Variants in ANK3 observed in about 807,000 individuals in gnomAD.
The protein encoded by ANK3 is ankyrin 3.
Under a neutral mutation model 370.9 loss-of-function variants are expected in ANK3, and 57 were observed. The observed-to-expected ratio is 0.15, with a 90% CI of 0.12 to 0.19. The LOEUF (loss-of-function observed/expected upper bound fraction) is 0.19, where lower values mean the gene tolerates loss of function less well. Ranked by LOEUF, ANK3 falls within the 10% of genes least tolerant of loss-of-function variation. ANK3 has a pLI of 1.00. For missense variants in ANK3, 4,439 were observed against 5,302.1 expected, an observed-to-expected ratio of 0.84 and a Z score of 5.06; for synonymous variants, 1,929 against 1,946.3, an observed-to-expected ratio of 0.99 and a Z score of 0.23.
At chr10:60,548,211 T>C (rs2077012973) in intron 2 of ANK3, among the ~76,000 whole-genome samples, 2 of 15,180 alleles carry the variant, frequency 1.3e-4, no homozygotes, top group Non-Finnish European at 3.6e-4. Context: ...ATTTCCTTTT[T>C]TTTTTTTTTT....
intron 1 of ANK3, among the ~76,000 whole-genome samples, chr10:60,298,297 T>C (rs17233871): frequency 0.1 from 15,921 of 152,190 alleles, 1,050 homozygotes; most frequent in Non-Finnish European, 0.15. Context: ...TAAACAATAC[T>C]GTAAAAACCA....
chr10:60,495,480 T>C (rs2075630516), intron 2 of ANK3, among the ~76,000 whole-genome samples: 1 of 152,172 alleles, frequency 6.6e-6, no homozygotes, highest in African/African-American at 2.4e-5. Flanking sequence ...GACCTCTGGC[T>C]TGAGTTCTCA....
intron 1 of ANK3, among the ~76,000 whole-genome samples, chr10:60,352,275 G>T (rs1261604553): frequency 6.6e-6 from 1 of 152,180 alleles, no homozygotes; most frequent in Non-Finnish European, 1.5e-5. Context: ...CATCCAGCCT[G>T]GGTGACACAG....
intron 1 of ANK3, among the ~76,000 whole-genome samples, chr10:60,297,656 A>G (rs1317370759): frequency 2.0e-5 from 3 of 152,160 alleles, no homozygotes; most frequent in Non-Finnish European, 4.4e-5. Context: ...ATGACTTCGA[A>G]AAGATATCTC....
intron 2 of ANK3, among the ~76,000 whole-genome samples, chr10:60,512,691 G>A (rs1042588637): frequency 6.6e-6 from 1 of 151,994 alleles, no homozygotes; most frequent in Admixed American, 6.6e-5. Context: ...TGTCCTTGAG[G>A]GAATAAGATT....
intron 2 of ANK3, among the ~76,000 whole-genome samples, chr10:60,541,850 C>G (rs1482104982): frequency 1.3e-5 from 2 of 151,840 alleles, no homozygotes; most frequent in East Asian, 1.9e-4. Context: ...AAAGCAGAGA[C>G]TTTTATTCAG....
chr10:60,563,979 A>G (rs572523712), intron 2 of ANK3, among the ~76,000 whole-genome samples: 1 of 152,192 alleles, frequency 6.6e-6, no homozygotes, highest in African/African-American at 2.4e-5. Flanking sequence ...AGAAAGTTCT[A>G]AGTGCACAAT....
chr10:60,523,553 C>T (rs911601293), intron 2 of ANK3, among the ~76,000 whole-genome samples: 4 of 151,840 alleles, frequency 2.6e-5, no homozygotes, highest in Middle Eastern at 3.4e-3. Context: ...CATCCATGTC[C>T]CTACAAAGGA....
chr10:60,319,369 C>T (rs2048143289), intron 1 of ANK3, among the ~76,000 whole-genome samples: 2 of 152,154 alleles, frequency 1.3e-5, no homozygotes, highest in Admixed American at 1.3e-4. Flanking sequence ...GGTAGTTGCA[C>T]TAGAACTAGG....
intron 8 of ANK3, among the ~76,000 whole-genome samples, chr10:60,226,549 AC>A (rs1430254542): frequency 2.1e-4 from 5 of 23,824 alleles, no homozygotes; most frequent in Non-Finnish European, 3.2e-4. Context: ...TAGTATATAT[AC>A]TATAGTATAT....
chr10:60,238,459 T>C (rs993463196), intron 7 of ANK3, among the ~76,000 whole-genome samples: 2 of 152,048 alleles, frequency 1.3e-5, no homozygotes, highest in Non-Finnish European at 2.9e-5. Context: ...AGGGCAGGAA[T>C]GTGGAGAAAG....
chr10:60,541,535 T>C (rs2076848955), intron 2 of ANK3, among the ~76,000 whole-genome samples: 1 of 151,950 alleles, frequency 6.6e-6, no homozygotes, highest in Non-Finnish European at 1.5e-5. Context: ...ATCTTGTTCA[T>C]AGAAGCCAAC....
intron 1 of ANK3, among the ~76,000 whole-genome samples, chr10:60,316,747 ATTTT>A (rs1408588416): frequency 1.3e-5 from 2 of 151,106 alleles, no homozygotes; most frequent in Non-Finnish European, 2.9e-5. Context: ...TTTTATTTTT[ATTTT>A]TATTTTTTTT....
intron 2 of ANK3, among the ~76,000 whole-genome samples, chr10:60,555,238 G>A (rs939194130): frequency 6.6e-6 from 1 of 152,170 alleles, no homozygotes; most frequent in Non-Finnish European, 1.5e-5. Flanking sequence ...TTGGGAGGCT[G>A]AGGCAGGAAG....
intron 42 of ANK3, chr10:60,051,667 T>A: frequency 5.8e-6 from 2 of 345,420 alleles, no homozygotes; most frequent in Non-Finnish European, 8.0e-6. Flanking sequence ...TTTTCTTCTT[T>A]TTTTTTTTTT....
chr10:60,468,594 G>T (rs2065064573), intron 2 of ANK3, among the ~76,000 whole-genome samples: 1 of 151,906 alleles, frequency 6.6e-6, no homozygotes, highest in South Asian at 2.1e-4. Context: ...TGTTTACCAT[G>T]ATTACTGATT....
At chr10:60,061,280 T>G (rs138120445) in intron 40 of ANK3, among the ~76,000 whole-genome samples, 3 of 152,318 alleles carry the variant, frequency 2.0e-5, no homozygotes, top group African/African-American at 7.2e-5. Flanking sequence ...CATATACATG[T>G]TTCTAAATTT....
In ANK3 at chr10:60,073,882, G is replaced by A. The variant is rs1373991525; in HGVS notation, c.6999C>T (p.His2333=). The part of the protein sequence containing the change: ...KPKLERIIEV[H]IEKGNQAEPT... ...GCTCAGCTTGGTTACCTTTTTCGATGTGGACTTCTATTATACGCTCCAGTT... is the reference window on the plus strand; with the variant it reads ...GCTCAGCTTGGTTACCTTTTTCGATATGGACTTCTATTATACGCTCCAGTT... Residue 2333 remains histidine (H), a synonymous_variant, in exon 37 of 44, where the codon CAC becomes CAT. Transcript: ENST00000280772. 1.2e-6 allele frequency: 2 copies of A among 1,613,760 alleles called. No individual in the cohort carries two copies. Among genetic ancestry groups the A allele is most frequent in the Admixed American group, 1.7e-5 (1 of 60,006 alleles).
chr10:60,372,867 A>G lies in ANK3; in HGVS notation c.114+16558T>C, dbSNP rs545807628. Among the ~76,000 whole-genome samples, 3 of 152,338 alleles carry G rather than the reference A, an allele frequency of 2.0e-5. No homozygotes were observed. In the East Asian group the frequency reaches 5.8e-4, roughly 29 times the overall value. ...TCACTTAAAATAAATGAAATCATCC[A>G]TTTACTCACTCTAATGAAGTGACTG... On this transcript the variant is annotated intron_variant, in intron 1 of 43. Coordinates refer to ENST00000280772, the MANE Select transcript of ANK3 (RefSeq NM_020987.5).
Sources: allele counts gnomAD v4.1 joint callset (sites outside exome capture counted in the v4.1 genomes callset), GRCh38; gene constraint gnomAD v4.1.1; transcripts MANE v1.5; gene names NCBI Gene and HGNC (gene_info 2026-07-23, HGNC 2026-07-21).